STXBP5L: variants seen among roughly 807,000 people sequenced by gnomAD.
STXBP5L encodes syntaxin binding protein 5L, also known as syntaxin-binding protein 5-like.
Under a neutral mutation model 144.5 loss-of-function variants are expected in STXBP5L, and 65 were observed. The observed-to-expected ratio is 0.45, with a 90% confidence interval of 0.37 to 0.55. The LOEUF is 0.55. Ranked by LOEUF, STXBP5L falls within the 20% of genes least tolerant of loss-of-function variation. The pLI, the probability that STXBP5L is intolerant of heterozygous loss-of-function variation, is 0.00. For synonymous variants in STXBP5L, 505 were observed against 469.6 expected (o/e 1.08, Z -0.97); for missense variants, 1,298 against 1,405.5 (o/e 0.92, Z 1.22).
chr3:121,006,886 C>T (rs554313290), intron 3 of STXBP5L, among the ~76,000 whole-genome samples: 84 of 152,270 alleles, frequency 5.5e-4, no homozygotes, highest in Middle Eastern at 3.4e-3. Flanking sequence ...CCCCCACTCT[C>T]TTCTGGCTTG....
chr3:121,238,805 A>G (rs890179254), intron 12 of STXBP5L, among the ~76,000 whole-genome samples, 166 bp from the exon 13 acceptor site: 1 of 149,160 alleles, frequency 6.7e-6, no homozygotes, highest in Non-Finnish European at 1.5e-5. Context: ...ATAAATTACT[A>G]TTACAAAAAG....
intron 9 of STXBP5L, among the ~76,000 whole-genome samples, chr3:121,167,412 T>C (rs1182987870): frequency 6.6e-6 from 1 of 152,190 alleles, no homozygotes; most frequent in African/African-American, 2.4e-5. Context: ...CTAAAAATTC[T>C]CATCAAAAAC....
At chr3:121,381,155 TA>T in intron 21 of STXBP5L, 137 bp from the exon 22 acceptor site, 1 of 817,426 alleles carries the variant, frequency 1.2e-6, no homozygotes, top group Non-Finnish European at 1.8e-6. Flanking sequence ...GTGAACTGGA[TA>T]AGCTCCCTCT....
rs547801778 is a variant in STXBP5L, at chr3:121,338,713, G to C, written c.2176+20173G>C. On this transcript the variant is annotated intron_variant, in intron 20 of 26. Transcript: ENST00000471454. ...AAGGAAGGAAGGAAGGAAAATGGAG[G>C]CATTACAGCTGATACCACAGGAATA... Among the ~76,000 whole-genome samples, 9 of 150,366 alleles carry C rather than the reference G, an allele frequency of 6.0e-5. 1 individual carries two copies. The highest frequency in any genetic ancestry group is 1.3e-4 in the Non-Finnish European group (9 of 67,508).
intron 14 of STXBP5L, among the ~76,000 whole-genome samples, chr3:121,248,399 G>A (rs1358538191): frequency 3.9e-5 from 6 of 152,164 alleles, no homozygotes; most frequent in Admixed American, 2.0e-4. Flanking sequence ...GATTAGTGAT[G>A]ATGGCATTTT....
intron 5 of STXBP5L, among the ~76,000 whole-genome samples, chr3:121,087,968 T>C (rs1029311398): frequency 3.3e-5 from 5 of 152,242 alleles, no homozygotes; most frequent in Admixed American, 3.3e-4. Flanking sequence ...ACTTCTCTCA[T>C]TTATAATAAA....
intron 19 of STXBP5L, among the ~76,000 whole-genome samples, chr3:121,313,211 G>C (rs1307115224): frequency 7.1e-6 from 1 of 141,444 alleles, no homozygotes; most frequent in Non-Finnish European, 1.5e-5. Flanking sequence ...CGGCCGGAAG[G>C]GGGGCTGACC....
intron 15 of STXBP5L, among the ~76,000 whole-genome samples, chr3:121,253,542 T>C (rs2050096248): frequency 6.6e-6 from 1 of 151,336 alleles, no homozygotes; most frequent in African/African-American, 2.4e-5. Flanking sequence ...CACAACACTA[T>C]TATCTAATCT....
intron 9 of STXBP5L, among the ~76,000 whole-genome samples, chr3:121,167,822 C>T (rs1445236429): frequency 1.3e-5 from 2 of 152,192 alleles, no homozygotes; most frequent in Non-Finnish European, 2.9e-5. Flanking sequence ...GCACAGCGTT[C>T]GAGCTCTGCT....
At chr3:121,403,247 A>T (rs970544031) in intron 22 of STXBP5L, among the ~76,000 whole-genome samples, 1 of 152,162 alleles carries the variant, frequency 6.6e-6, no homozygotes, top group Non-Finnish European at 1.5e-5. Context: ...CTCCTGGCCT[A>T]TCCTAAAGGG....
chr3:121,210,151 T>C (rs200462310), intron 10 of STXBP5L, among the ~76,000 whole-genome samples: 18,289 of 151,988 alleles, frequency 0.12, 1,148 homozygotes, highest in Non-Finnish European at 0.14. Context: ...TGGTATCTCA[T>C]TGTGGTTTTG....
chr3:121,094,067 T>G (rs912656579), intron 5 of STXBP5L, among the ~76,000 whole-genome samples: 1 of 152,188 alleles, frequency 6.6e-6, no homozygotes, highest in African/African-American at 2.4e-5. Flanking sequence ...TCAATTTTCA[T>G]GTAGTTGAGC....
At chr3:121,083,416 CT>C (rs1210355356) in intron 5 of STXBP5L, among the ~76,000 whole-genome samples, 1 of 152,024 alleles carries the variant, frequency 6.6e-6, no homozygotes, top group Non-Finnish European at 1.5e-5. Context: ...AATTCCAATA[CT>C]TTGGGAGGCT....
intron 9 of STXBP5L, among the ~76,000 whole-genome samples, chr3:121,165,579 C>A (rs1282981308): frequency 6.6e-6 from 1 of 152,042 alleles, no homozygotes; most frequent in Non-Finnish European, 1.5e-5. Context: ...GTTCTTATAA[C>A]ACGACCATGA....
chr3:121,294,705 T>A (rs1330770343), intron 19 of STXBP5L, among the ~76,000 whole-genome samples: 1 of 151,814 alleles, frequency 6.6e-6, no homozygotes, highest in Admixed American at 6.6e-5. Flanking sequence ...ATATCAGGAA[T>A]TTCAACATTT....
intron 12 of STXBP5L, among the ~76,000 whole-genome samples, chr3:121,233,948 T>G (rs1361978024): frequency 6.6e-6 from 1 of 152,178 alleles, no homozygotes; most frequent in East Asian, 1.9e-4. Flanking sequence ...GATCACATTT[T>G]TGTTGTTTCC....
intron 3 of STXBP5L, among the ~76,000 whole-genome samples, chr3:121,002,588 T>C (rs543255745): frequency 5.3e-5 from 8 of 152,302 alleles, no homozygotes; most frequent in Admixed American, 2.0e-4. Context: ...GCTTTTGGTA[T>C]CATATTCAAA....
At chr3:121,287,080 C>G (rs563124196) in intron 19 of STXBP5L, among the ~76,000 whole-genome samples, 204 of 152,184 alleles carry the variant, frequency 1.3e-3, no homozygotes, top group Non-Finnish European at 2.2e-3. Context: ...ATGCAGCTAT[C>G]CAGGAACAGG....
At chr3:121,327,133 C>T (rs1202382170) in intron 20 of STXBP5L, among the ~76,000 whole-genome samples, 1 of 152,088 alleles carries the variant, frequency 6.6e-6, no homozygotes, top group Non-Finnish European at 1.5e-5. Context: ...GCTGCACTAT[C>T]CATTGACTTT....
Sources: gnomAD v4.1 joint callset for allele counts (sites outside exome capture counted in the v4.1 genomes callset) on GRCh38, gnomAD v4.1.1 for gene constraint, MANE v1.5 for transcripts, NCBI Gene and HGNC (gene_info 2026-07-23, HGNC 2026-07-21) for gene names.